Variants in ITFG1 observed in about 807,000 individuals in gnomAD.
ITFG1 encodes the protein integrin alpha FG-GAP repeat containing 1.
ITFG1 carries 34 observed loss-of-function variants against 81.8 expected under a neutral mutation model. The ratio of observed to expected loss-of-function variants is 0.42; its 90% confidence interval spans 0.32 to 0.55. The LOEUF (loss-of-function observed/expected upper bound fraction) is 0.55. Among genes scored for constraint, ITFG1 ranks in the 20% least tolerant of loss-of-function variants. The pLI, the probability that ITFG1 is intolerant of heterozygous loss-of-function variation, is 0.17. For missense variants in ITFG1, 672 were observed against 755.4 expected, an observed-to-expected ratio of 0.89 and a Z score of 1.29; for synonymous variants, 285 against 270.6, an observed-to-expected ratio of 1.05 and a Z score of -0.52.
At chr16:47,365,747 A>T in intron 8 of ITFG1, 41 bp downstream of exon 8, 1 of 1,179,238 alleles carries the variant, frequency 8.5e-7, no homozygotes, top group Non-Finnish European at 1.2e-6. Context: ...AGAGAATTGG[A>T]AAGGCAAAAG....
chr16:47,441,321 T>G (rs1969247261), intron 5 of ITFG1, among the ~76,000 whole-genome samples: 1 of 152,120 alleles, frequency 6.6e-6, no homozygotes, highest in African/African-American at 2.4e-5. Flanking sequence ...CCTCCCTAAC[T>G]CATTTTATGA....
chr16:47,223,976 A>C (rs987771119), intron 13 of ITFG1, among the ~76,000 whole-genome samples: 21 of 150,858 alleles, frequency 1.4e-4, no homozygotes, highest in Non-Finnish European at 2.1e-4. Flanking sequence ...CAAAAAACCA[A>C]ACACCGCATA....
At chr16:47,356,217 T>C (rs1177397007) in intron 8 of ITFG1, among the ~76,000 whole-genome samples, 3 of 152,162 alleles carry the variant, frequency 2.0e-5, no homozygotes, top group Non-Finnish European at 2.9e-5. Context: ...CTCAGAAAGG[T>C]TTGGAAAGAT....
At chr16:47,245,653 C>G (rs1965992374) in intron 12 of ITFG1, among the ~76,000 whole-genome samples, 1 of 152,126 alleles carries the variant, frequency 6.6e-6, no homozygotes, top group East Asian at 1.9e-4. Flanking sequence ...AATCTGAAAG[C>G]TTTTGATATA....
At chr16:47,348,913 C>A (rs1040532067) in intron 8 of ITFG1, among the ~76,000 whole-genome samples, 10 of 152,174 alleles carry the variant, frequency 6.6e-5, no homozygotes, top group African/African-American at 2.2e-4. Context: ...ATTCAACATT[C>A]TTAAAGAAAA....
At chr16:47,294,581 GA>G (rs1966955493) in intron 10 of ITFG1, among the ~76,000 whole-genome samples, 1 of 151,956 alleles carries the variant, frequency 6.6e-6, no homozygotes, top group Admixed American at 6.6e-5. Flanking sequence ...ACTTATTAGT[GA>G]AATATATTCC....
intron 7 of ITFG1, among the ~76,000 whole-genome samples, chr16:47,366,277 A>G (rs527471627): frequency 1.1e-4 from 17 of 152,374 alleles, no homozygotes; most frequent in Admixed American, 5.2e-4. Context: ...CATAATTAGT[A>G]TAAGTACAAA....
rs116647683 is a variant in ITFG1, at chr16:47,243,417, T to C, written c.1331-5409A>G. 2.7e-3 allele frequency among the ~76,000 whole-genome samples: 412 copies of C among 152,268 alleles called. 5 individuals are homozygous for C. The highest frequency in any genetic ancestry group is 9.6e-3 in the African/African-American group (398 of 41,554). ...CTAGTGAAATAAAAATTAAGAACTCTCAGATGAGTATGTGGTAAACTAGAT... is the reference window on the plus strand; with the variant it reads ...CTAGTGAAATAAAAATTAAGAACTCCCAGATGAGTATGTGGTAAACTAGAT... On this transcript the variant is annotated intron_variant, in intron 12 of 17. Coordinates refer to ENST00000320640, the MANE Select transcript of ITFG1 (RefSeq NM_030790.5).
chr16:47,353,808 T>C lies in ITFG1; in HGVS notation c.802+11980A>G, dbSNP rs1341734654. 2.0e-5 allele frequency among the ~76,000 whole-genome samples: 3 copies of C among 151,770 alleles called. No homozygotes were observed. The South Asian group carries it at 6.2e-4, about 32-fold the overall frequency. On this transcript the variant is annotated intron_variant, in intron 8 of 17. Transcript: ENST00000320640. ...CCACTTACAATATTTACAAAAAAAA[T>C]AAGATACTGAGATTAAGCCTAAGGA... is the stretch of plus-strand genomic sequence containing the variant.
intron 12 of ITFG1, among the ~76,000 whole-genome samples, chr16:47,245,415 T>C (rs908019666): frequency 1.3e-5 from 2 of 152,212 alleles, no homozygotes; most frequent in Non-Finnish European, 2.9e-5. Context: ...CCACACTTAT[T>C]ACTTCAACCC....
At chr16:47,350,306 T>C (rs1967931781) in intron 8 of ITFG1, among the ~76,000 whole-genome samples, 3 of 152,046 alleles carry the variant, frequency 2.0e-5, no homozygotes, top group African/African-American at 7.2e-5. Context: ...ACAAAATTGA[T>C]AGACCACTAG....
chr16:47,260,634 G>T lies in ITFG1; in HGVS notation c.1132C>A (p.Arg378Ser), dbSNP rs202059473. 1.9e-6 allele frequency: 3 copies of T among 1,614,076 alleles called. No homozygotes were observed. The highest frequency in any genetic ancestry group is 2.5e-6 in the Non-Finnish European group (3 of 1,179,982). ...PCNNASCEEA[R>S]RMFKVYWELT... is the part of the protein sequence containing the mutation. ...TCCCAGTAGACTTTAAACATTCGAC[G>T]CGCCTCTTCACAGCTTGCATTATTA... The change falls in exon 11 of 18, where the codon CGT (arginine) becomes AGT (serine). Residue 378 changes from arginine to serine, a missense_variant. Transcript: ENST00000320640.
At chr16:47,250,184 A>G (rs1002020273) in intron 12 of ITFG1, among the ~76,000 whole-genome samples, 1 of 152,140 alleles carries the variant, frequency 6.6e-6, no homozygotes, top group African/African-American at 2.4e-5. Context: ...TAGATATTCT[A>G]TGGAAGATTT....
At chr16:47,189,635 G>A (rs1450701663) in intron 14 of ITFG1, among the ~76,000 whole-genome samples, 2 of 152,094 alleles carry the variant, frequency 1.3e-5, no homozygotes, top group South Asian at 2.1e-4. Flanking sequence ...CCACTTTCTG[G>A]GGGATTATGA....
chr16:47,308,994 G>C (rs1967214094), intron 10 of ITFG1, among the ~76,000 whole-genome samples: 1 of 151,524 alleles, frequency 6.6e-6, no homozygotes, highest in Non-Finnish European at 1.5e-5. Flanking sequence ...ACAGTCACTA[G>C]ATTAAATTCT....
intron 8 of ITFG1, among the ~76,000 whole-genome samples, chr16:47,363,985 T>A (rs1386318444): frequency 6.6e-6 from 1 of 152,194 alleles, no homozygotes; most frequent in African/African-American, 2.4e-5. Context: ...GTCAGTCACT[T>A]CCCTTGTTTT....
chr16:47,378,114 G>A (rs1037724067), intron 6 of ITFG1, among the ~76,000 whole-genome samples: 1 of 152,160 alleles, frequency 6.6e-6, no homozygotes, highest in Non-Finnish European at 1.5e-5. Flanking sequence ...GGGATTAACA[G>A]CCACAGAGAA....
Position 47,431,955 on chromosome 16 carries a change from C to T in ITFG1, c.561-3057G>A, listed in dbSNP as rs371882659. Among the ~76,000 whole-genome samples the T allele has an allele frequency of 2.0e-5, 3 of 152,168 alleles. No individual in the cohort carries two copies. In the East Asian group the frequency reaches 5.8e-4, roughly 29 times the overall value. ...AGGCTCTACTCAAATCAGCTTTCTC[C>T]AAAAGATCTTCTCTCTTCTCTGTTT... On this transcript the variant is annotated intron_variant, in intron 5 of 17. Transcript: ENST00000320640.
intron 17 of ITFG1, 143 bp from the exon 18 acceptor site, chr16:47,155,921 G>A (rs990700562): frequency 5.2e-5 from 28 of 533,850 alleles, no homozygotes; most frequent in Admixed American, 1.8e-4. Flanking sequence ...AACAGTCCTA[G>A]TATTTTTGTA....
Sources: allele counts gnomAD v4.1 joint callset (sites outside exome capture counted in the v4.1 genomes callset), GRCh38; gene constraint gnomAD v4.1.1; transcripts MANE v1.5; gene names NCBI Gene and HGNC (gene_info 2026-07-23, HGNC 2026-07-21).